VAT1L: variants seen among roughly 807,000 people sequenced by gnomAD.
VAT1L encodes vesicle amine transport 1 like, also known as putative NADPH-dependent quinone oxidoreductase VAT1L.
In VAT1L, 34 loss-of-function variants were observed where a neutral mutation model predicts 44.1. That is an observed-to-expected ratio of 0.77 (90% CI 0.59 to 1.03). The LOEUF (loss-of-function observed/expected upper bound fraction) is 1.03, where lower values mean the gene tolerates loss of function less well. VAT1L is among the 50% of genes least tolerant of loss of function. VAT1L has a pLI of 0.00. For missense variants in VAT1L, 615 were observed against 538.8 expected (o/e 1.14, Z -1.40); for synonymous variants, 253 against 202.2 (o/e 1.25, Z -2.13).
At chr16:77,900,185 G>A (rs1161986266) in intron 7 of VAT1L, among the ~76,000 whole-genome samples, 1 of 152,130 alleles carries the variant, frequency 6.6e-6, no homozygotes, top group African/African-American at 2.4e-5. Context: ...AACATAGACT[G>A]AGTAAGGTAA....
At chr16:77,842,090 T>A (rs2016712997) in intron 3 of VAT1L, among the ~76,000 whole-genome samples, 1 of 152,156 alleles carries the variant, frequency 6.6e-6, no homozygotes, top group African/African-American at 2.4e-5. Context: ...GGTTTCACCA[T>A]GTTAGCCAGG....
In VAT1L at chr16:77,946,012, G is replaced by C. The variant is rs148507622; in HGVS notation, c.1078-25838G>C. Among the ~76,000 whole-genome samples the C allele has an allele frequency of 2.4e-3, 369 of 152,072 alleles. 3 individuals carry two copies. Among genetic ancestry groups the C allele is most frequent in the Middle Eastern group, 0.01 (3 of 294 alleles). On this transcript the variant is annotated intron_variant, in intron 7 of 8. Coordinates refer to ENST00000302536, the MANE Select transcript of VAT1L (RefSeq NM_020927.3). ...AGACAGGGTTTCACCATGTTGGTCAGGCTGGTCTCGAACTGCTGACCGCAT... is the reference window on the plus strand; with the variant it reads ...AGACAGGGTTTCACCATGTTGGTCACGCTGGTCTCGAACTGCTGACCGCAT...
chr16:77,895,579 G>A (rs1044368036), intron 7 of VAT1L, among the ~76,000 whole-genome samples: 3 of 152,226 alleles, frequency 2.0e-5, no homozygotes, highest in African/African-American at 7.2e-5. Flanking sequence ...GTAGAAGCCA[G>A]AAAAGGCACA....
At chr16:77,973,249 T>C (rs767221950) in intron 8 of VAT1L, among the ~76,000 whole-genome samples, 10 of 152,210 alleles carry the variant, frequency 6.6e-5, no homozygotes, top group Middle Eastern at 3.2e-3. Flanking sequence ...CCAGTTAGAA[T>C]AGTATTCATA....
At chr16:77,945,278 CTTTT>C (rs56055464) in intron 7 of VAT1L, among the ~76,000 whole-genome samples, 1 of 83,030 alleles carries the variant, frequency 1.2e-5, no homozygotes, top group South Asian at 5.2e-4. Flanking sequence ...GATTGCAGAA[CTTTT>C]TTTTTTTTTT....
In VAT1L at chr16:77,952,641, G is replaced by A. The variant is rs113643561; in HGVS notation, c.1078-19209G>A. Among the ~76,000 whole-genome samples the A allele has an allele frequency of 4.9e-3, 751 of 152,116 alleles. 5 individuals are homozygous for A. Among genetic ancestry groups the A allele is most frequent in the African/African-American group, 0.017 (711 of 41,512 alleles). On this transcript the variant is annotated intron_variant, in intron 7 of 8. Coordinates refer to ENST00000302536, the MANE Select transcript of VAT1L (RefSeq NM_020927.3). The stretch of plus-strand genomic sequence containing the variant: ...TGGGAGGCCGAAGTGGGCAGATCCC[G>A]AGGTCAGGAGTTTGAGACCAGCCTG...
At chr16:77,925,992 G>C (rs924724130) in intron 7 of VAT1L, among the ~76,000 whole-genome samples, 1 of 152,134 alleles carries the variant, frequency 6.6e-6, no homozygotes, top group Non-Finnish European at 1.5e-5. Context: ...GCCGGGTGCG[G>C]TGGCTCATAC....
intron 7 of VAT1L, among the ~76,000 whole-genome samples, chr16:77,918,255 A>G (rs1567508086): frequency 6.6e-6 from 1 of 152,328 alleles, no homozygotes; most frequent in Admixed American, 6.5e-5. Flanking sequence ...AGTGAGCCCA[A>G]TAAGCTAAGT....
chr16:77,844,534 A>G (rs539793918), intron 3 of VAT1L, among the ~76,000 whole-genome samples: 1 of 152,126 alleles, frequency 6.6e-6, no homozygotes, highest in South Asian at 2.1e-4. Context: ...TTAGCCTCCC[A>G]AGTAGGTGGG....
At chr16:77,864,323 T>C (rs1235171005) in intron 4 of VAT1L, among the ~76,000 whole-genome samples, 1 of 152,188 alleles carries the variant, frequency 6.6e-6, no homozygotes, top group Non-Finnish European at 1.5e-5. Context: ...CTGGGCACAG[T>C]GGCTCATGCC....
chr16:77,810,829 T>C (rs1460833288), intron 1 of VAT1L, among the ~76,000 whole-genome samples: 3 of 152,210 alleles, frequency 2.0e-5, no homozygotes, highest in Non-Finnish European at 2.9e-5. Context: ...GAGGAAAAAG[T>C]ACTGTCTTCA....
intron 7 of VAT1L, among the ~76,000 whole-genome samples, chr16:77,918,082 T>C (rs906949488): frequency 1.3e-5 from 2 of 152,146 alleles, no homozygotes; most frequent in Admixed American, 1.3e-4. Flanking sequence ...GAATTCCATA[T>C]CCAATAAATG....
At chr16:77,948,722 T>C (rs868113059) in intron 7 of VAT1L, among the ~76,000 whole-genome samples, 2 of 152,214 alleles carry the variant, frequency 1.3e-5, no homozygotes, top group Non-Finnish European at 2.9e-5. Context: ...TTATTTCATC[T>C]GTAAATATTT....
In VAT1L at chr16:77,977,607, A is replaced by G; in HGVS notation, c.1172A>G (p.Asp391Gly). 1 of 1,614,088 alleles carries G rather than the reference A, an allele frequency of 6.2e-7. No homozygotes were observed. Among genetic ancestry groups the G allele is most frequent in the Non-Finnish European group, 8.5e-7 (1 of 1,179,974 alleles). Reference protein sequence around the residue: ...EKTPTPLMANDSTETSEAGEE... With the variant: ...EKTPTPLMANGSTETSEAGEE... ...TCTTTTGAATTACAGATGGCCAATG[A>G]CAGCACAGAGACCAGTGAAGCAGGG... Residue 391 changes from aspartate to glycine, a missense_variant, in exon 9 of 9, where the codon GAC becomes GGC. By Grantham distance (94) the Asp-to-Gly change is moderately conservative. Transcript: ENST00000302536.
intron 5 of VAT1L, among the ~76,000 whole-genome samples, chr16:77,878,727 C>G (rs1441954831): frequency 1.3e-5 from 2 of 152,072 alleles, no homozygotes; most frequent in Non-Finnish European, 2.9e-5. Context: ...AACTCTGCTC[C>G]ACCTCTCCCA....
intron 7 of VAT1L, among the ~76,000 whole-genome samples, chr16:77,930,983 A>G (rs947636535): frequency 6.6e-6 from 1 of 152,174 alleles, no homozygotes; most frequent in African/African-American, 2.4e-5. Context: ...TTAAACCTCA[A>G]AACTCTAAAG....
chr16:77,812,415 TA>T (rs2016281840), intron 1 of VAT1L, among the ~76,000 whole-genome samples: 2 of 152,174 alleles, frequency 1.3e-5, no homozygotes, highest in Admixed American at 1.3e-4. Context: ...ACATTTGATT[TA>T]CTTGAGATTT....
Position 77,862,873 on chromosome 16 carries a change from C to T in VAT1L, c.705C>T (p.Tyr235=), listed in dbSNP as rs1281258124. The T allele has an allele frequency of 9.3e-6, 15 of 1,613,838 alleles. No individual in the cohort carries two copies. Among genetic ancestry groups the T allele is most frequent in the East Asian group, 2.2e-5 (1 of 44,882 alleles). ...VTHLFDRNAD[Y]VQEVKRISAE... ...ACCTCTTTGACAGAAATGCAGACTA[C>T]GTGCAAGAAGTTAAAAGGTAAGATG... The change falls in exon 4 of 9, where the codon TAC becomes TAT. Residue 235 remains tyrosine (Y), a synonymous_variant. Coordinates refer to ENST00000302536, the MANE Select transcript of VAT1L (RefSeq NM_020927.3).
At chr16:77,850,564 C>T (rs1393868648) in intron 3 of VAT1L, among the ~76,000 whole-genome samples, 2 of 152,168 alleles carry the variant, frequency 1.3e-5, no homozygotes, top group Admixed American at 1.3e-4. Flanking sequence ...CATCCCCTTT[C>T]ATTCTCAAAA....
Sources: gnomAD v4.1 joint callset for allele counts (sites outside exome capture counted in the v4.1 genomes callset) on GRCh38, gnomAD v4.1.1 for gene constraint, MANE v1.5 for transcripts, NCBI Gene and HGNC (gene_info 2026-07-23, HGNC 2026-07-21) for gene names.